Variants in SLC1A6 observed in about 807,000 individuals in gnomAD.
SLC1A6 encodes the protein solute carrier family 1 member 6.
SLC1A6 carries 15 observed loss-of-function variants against 42.1 expected under a neutral mutation model. That is an observed-to-expected ratio of 0.36 (90% CI 0.24 to 0.55). The LOEUF (loss-of-function observed/expected upper bound fraction) is 0.55. SLC1A6 is among the 20% of genes least tolerant of loss of function. SLC1A6 has a pLI of 0.88. For missense variants in SLC1A6, 542 were observed against 772.5 expected (o/e 0.70, Z 3.54); for synonymous variants, 317 against 319.7 (o/e 0.99, Z 0.09).
exon 1 of SLC1A6, chr19:15,010,499 G>A (rs2045921491): frequency 1.8e-6 from 1 of 566,238 alleles, no homozygotes; most frequent in Non-Finnish European, 3.4e-6. Context: ...ATGCGACAGA[G>A]TGTGACCTGG....
chr19:15,008,346 T>G (rs907255924), intron 1 of SLC1A6, among the ~76,000 whole-genome samples: 4 of 151,678 alleles, frequency 2.6e-5, no homozygotes, highest in Non-Finnish European at 5.9e-5. Context: ...CTCAGTCTCT[T>G]TAGAAAAAGA....
Position 14,962,042 on chromosome 19 carries a change from G to C in SLC1A6, c.895C>G (p.Leu299Val), listed in dbSNP as rs755304671. The C allele has an allele frequency of 6.2e-7, 1 of 1,614,116 alleles. No individual in the cohort carries two copies. Among genetic ancestry groups the C allele is most frequent in the Non-Finnish European group, 8.5e-7 (1 of 1,180,010 alleles). ...ACCAGCCTCATAATAGCCTCATTGA[G>C]GCTGTCGAAGAAGTCCCTGAGGACT... is the stretch of plus-strand genomic sequence containing the variant. ...GRVLRDFFDS[L>V]NEAIMRLVGI... Residue 299 changes from leucine (L) to valine (V), a missense_variant, in exon 6 of 10, where the codon CTC becomes GTC. Leu to Val is a conservative substitution (Grantham distance 32). Around this residue, in one of 6 missense-constraint regions of SLC1A6, gnomAD observed 298 missense variants for 419.4 expected, o/e 0.71. Transcript: ENST00000594383.
intron 1 of SLC1A6, among the ~76,000 whole-genome samples, chr19:14,986,740 G>A (rs1337700386): frequency 2.0e-5 from 3 of 151,836 alleles, no homozygotes; most frequent in African/African-American, 7.3e-5. Flanking sequence ...ACAGGTGTGC[G>A]CCACCAGGTC....
In SLC1A6 at chr19:14,979,722, C is replaced by T. The variant is rs976084764; in HGVS notation, c.-421G>A. 2.0e-5 allele frequency: 3 copies of T among 151,950 alleles called. No individual in the cohort carries two copies. The highest frequency in any genetic ancestry group is 4.4e-5 in the Non-Finnish European group (3 of 68,086). 9.4% of individuals were successfully genotyped at this position (151,950 alleles called of 1,614,324 possible). On this transcript the variant is annotated 5_prime_UTR_variant, in exon 1 of 10. Coordinates refer to ENST00000594383, the MANE Select transcript of SLC1A6 (RefSeq NM_005071.3). This position sits in a 1 kb window ranked among gnomAD's most constrained non-coding sequence, Gnocchi z 4.2. ...GGGAGGGATCCGGGCCGGCCCTGCGCTCACGTGGGTGTGGGGGCACCGAGC... is the reference window on the plus strand; with the variant it reads ...GGGAGGGATCCGGGCCGGCCCTGCGTTCACGTGGGTGTGGGGGCACCGAGC...
At chr19:14,961,750 T>C in intron 6 of SLC1A6, 1 of 463,732 alleles carries the variant, frequency 2.2e-6, no homozygotes, top group South Asian at 3.3e-5. Flanking sequence ...CATGAATGAA[T>C]GAAAGAGTGA....
intron 1 of SLC1A6, chr19:14,974,813 C>T (rs1458916336): frequency 6.6e-6 from 1 of 151,708 alleles, no homozygotes; most frequent in African/African-American, 2.4e-5. Context: ...GCCTGTAATC[C>T]CAGCTACTTG....
At chr19:14,995,326 C>CAAAAAAAAAAAAAAAAAA (rs1173848535) in intron 1 of SLC1A6, among the ~76,000 whole-genome samples, 1 of 53,028 alleles carries the variant, frequency 1.9e-5, no homozygotes. Flanking sequence ...ACTCCATCTC[C>CAAAAAAAAAAAAAAAAAA]AAAAAAAAAA....
intron 2 of SLC1A6, 118 bp from the exon 3 acceptor site, chr19:14,971,992 G>A: frequency 8.6e-6 from 8 of 928,078 alleles, no homozygotes; most frequent in Non-Finnish European, 1.2e-5. Flanking sequence ...AATATCCTAT[G>A]AGTGTGTGTA....
chr19:14,984,388 A>T (rs1316081214), upstream of SLC1A6, among the ~76,000 whole-genome samples: 1 of 152,314 alleles, frequency 6.6e-6, no homozygotes, highest in East Asian at 1.9e-4. Flanking sequence ...ACCATGAATC[A>T]TGAAAATCAA....
At chr19:14,997,818 G>T (rs2045854244) in intron 1 of SLC1A6, among the ~76,000 whole-genome samples, 1 of 152,172 alleles carries the variant, frequency 6.6e-6, no homozygotes, top group African/African-American at 2.4e-5. Flanking sequence ...AAATCAAGGT[G>T]TTGGTAGGGC....
intron 3 of SLC1A6, among the ~76,000 whole-genome samples, chr19:14,970,505 A>T (rs961476988): frequency 6.6e-6 from 1 of 151,722 alleles, no homozygotes; most frequent in Non-Finnish European, 1.5e-5. Flanking sequence ...AGGTCAGGAG[A>T]TCGAGACCAT....
Position 14,952,961 on chromosome 19 carries a change from T to G in SLC1A6, c.1466A>C (p.Asp489Ala). The G allele has an allele frequency of 6.2e-7, 1 of 1,614,044 alleles. No homozygotes were observed. Residue 489 changes from aspartate (D) to alanine (A), a missense_variant, in exon 9 of 10, where the codon GAC (aspartate) becomes GCC (alanine). By Grantham distance (126) the Asp-to-Ala change is moderately radical. Coordinates refer to ENST00000594383, the MANE Select transcript of SLC1A6 (RefSeq NM_005071.3). ...GTCCACGGCAATGATGAGCGTGATG[T>G]CTTCCGTGGGCAAGCCGACCGACGT... The part of the protein sequence containing the change: ...VLTSVGLPTE[D>A]ITLIIAVDWF...
At chr19:14,973,092 G>T (rs2045664037) in intron 1 of SLC1A6, 175 bp from the exon 2 acceptor site, 1 of 590,714 alleles carries the variant, frequency 1.7e-6, no homozygotes, top group Non-Finnish European at 3.0e-6. Context: ...GCAGAGGCAG[G>T]AGAATCACTT....
upstream of SLC1A6, among the ~76,000 whole-genome samples, chr19:14,982,872 A>G (rs1437313477): frequency 2.0e-5 from 3 of 152,250 alleles, no homozygotes; most frequent in African/African-American, 7.2e-5. Context: ...ACAAAAATAA[A>G]CCTACTACAT....
In SLC1A6 at chr19:14,956,562, G is replaced by T; in HGVS notation, c.1083C>A (p.Ile361=). The change falls in exon 7 of 10, where the codon ATC becomes ATA. Residue 361 remains isoleucine (I), a synonymous_variant. Transcript: ENST00000594383. ...FLHAGIVLPL[I]YFLVTHRNPF... Reference sequence around the variant, plus strand: ...GGTTCCGGTGAGTGACGAGGAAGTAGATGAGGGGAAGGACAATGCCGGCAT... The same window carrying T: ...GGTTCCGGTGAGTGACGAGGAAGTATATGAGGGGAAGGACAATGCCGGCAT... The T allele has an allele frequency of 6.2e-7, 1 of 1,613,816 alleles. No individual in the cohort carries two copies. Among genetic ancestry groups the T allele is most frequent in the South Asian group, 1.1e-5 (1 of 91,058 alleles).
intron 9 of SLC1A6, 151 bp downstream of exon 9, chr19:14,952,777 A>T (rs1482258659): frequency 1.1e-6 from 1 of 890,212 alleles, no homozygotes; most frequent in East Asian, 2.9e-5. Flanking sequence ...GAGGCCATGG[A>T]TTGGAGGCCT....
chr19:15,004,032 T>C (rs1380074644), intron 1 of SLC1A6, among the ~76,000 whole-genome samples: 1 of 152,080 alleles, frequency 6.6e-6, no homozygotes, highest in African/African-American at 2.4e-5. Context: ...GGTGGGCCCC[T>C]GTAGTCCCAG....
At position 14,972,767 on chromosome 19, in the gene SLC1A6, G is replaced by C; in HGVS notation, c.144C>G (p.His48Gln). The change falls in exon 2 of 10, where the codon CAC (histidine) becomes CAG (glutamine). Residue 48 changes from histidine to glutamine, a missense_variant. Around this residue, in one of 6 missense-constraint regions of SLC1A6, gnomAD observed 88 missense variants for 85.5 expected, o/e 1.03. Transcript: ENST00000594383. ...CGTTTCGGCGCAGGAAGCGCAGCAC[G>C]TGCTCGAGGGTCATGGTCTGCAGGC... ...RLRLQTMTLE[H>Q]VLRFLRRNAF... The C allele has an allele frequency of 6.2e-7, 1 of 1,613,982 alleles. No homozygotes were observed. Among genetic ancestry groups the C allele is most frequent in the South Asian group, 1.1e-5 (1 of 91,080 alleles).
intron 6 of SLC1A6, among the ~76,000 whole-genome samples, chr19:14,961,155 C>T (rs1040377561): frequency 2.4e-4 from 37 of 152,086 alleles, no homozygotes; most frequent in African/African-American, 8.2e-4. Flanking sequence ...GATTCTCCCA[C>T]CTTGGCCTCC....
Sources: allele counts gnomAD v4.1 joint callset (sites outside exome capture counted in the v4.1 genomes callset), GRCh38; gene constraint gnomAD v4.1.1; regional missense constraint gnomAD v4.1.1; non-coding constraint Gnocchi (gnomAD v3.1); transcripts MANE v1.5; gene names NCBI Gene and HGNC (gene_info 2026-07-23, HGNC 2026-07-21).